The following SGK1 variants were observed in gnomAD, a reference collection of about 807,000 sequenced individuals.
SGK1 encodes serum/glucocorticoid regulated kinase 1.
Under a neutral mutation model 64.2 loss-of-function variants are expected in SGK1, and 26 were observed. The ratio of observed to expected loss-of-function variants is 0.40; its 90% CI spans 0.30 to 0.56. The LOEUF is 0.56. Among genes scored for constraint, SGK1 ranks in the 20% least tolerant of loss-of-function variants. The probability of loss-of-function intolerance (pLI) is 0.38; values close to 1 mark genes in which losing one functional copy is unlikely to be tolerated. For synonymous variants in SGK1, 265 were observed against 239.7 expected (o/e 1.11, Z -0.98); for missense variants, 519 against 645.6 (o/e 0.80, Z 2.12).
chr6:134,204,077 A>G (rs1192602085), intron 3 of SGK1, among the ~76,000 whole-genome samples: 1 of 151,914 alleles, frequency 6.6e-6, no homozygotes, highest in Admixed American at 6.6e-5. Context: ...CTCAGAAAAA[A>G]AAAAAAAAGT....
At chr6:134,184,191 G>A (rs184615089) in intron 3 of SGK1, among the ~76,000 whole-genome samples, 198 of 151,932 alleles carry the variant, frequency 1.3e-3, no homozygotes, top group Non-Finnish European at 1.9e-3. Flanking sequence ...CTTGTCATTC[G>A]GATCTCCCAG....
At position 134,298,386 on chromosome 6, in the gene SGK1, G is replaced by A. The variant is rs190672947; in HGVS notation, c.69+19006C>T. 3.6e-4 allele frequency: 469 copies of A among 1,319,856 alleles called. 2 individuals carry two copies. In the African/African-American group the frequency reaches 5.7e-3, roughly 16 times the overall value. The allele number at this position is 1,319,856 out of a possible 1,614,324, so 81.8% of individuals were successfully genotyped here. A position where few individuals can be genotyped will look rare whatever the true frequency, so the allele number is the denominator to read the frequency against. ...CCAGGAACCGTACCTTGCCTATGAA[G>A]GAGGCAAACTTGTTGCTGAGGGTCT... On this transcript the variant is annotated intron_variant, in intron 1 of 13. Transcript: ENST00000367858.
rs538127002 is a variant in SGK1, at chr6:134,171,143, G to A, written c.1203C>T (p.Tyr401=). ...GGAGAGGCTTGTTCAGAATGTTGTC[G>A]TACATTTCAGCTGTGTTTCGGCTAT... ...PFYSRNTAEM[Y]DNILNKPLQL... The change falls in exon 12 of 14, where the codon TAC becomes TAT. Residue 401 remains tyrosine, a synonymous_variant. Coordinates refer to ENST00000367858, the MANE Select transcript of SGK1 (RefSeq NM_001143676.3). 11 of 1,614,068 alleles carry A rather than the reference G, an allele frequency of 6.8e-6. No individual in the cohort carries two copies. In the East Asian group the frequency reaches 8.9e-5, roughly 13 times the overall value.
At chr6:134,284,524 C>T (rs191208289) in intron 1 of SGK1, among the ~76,000 whole-genome samples, 4 of 147,926 alleles carry the variant, frequency 2.7e-5, no homozygotes, top group African/African-American at 5.0e-5. Flanking sequence ...CTCACTCTAT[C>T]GCCCAGGCTG....
chr6:134,183,683 A>G (rs1473600624), intron 3 of SGK1, among the ~76,000 whole-genome samples: 1 of 152,090 alleles, frequency 6.6e-6, no homozygotes, highest in Non-Finnish European at 1.5e-5. Context: ...CAAGTGAGGA[A>G]TGTGCTGGAA....
At chr6:134,191,297 TAAGA>T (rs2114665316) in intron 3 of SGK1, among the ~76,000 whole-genome samples, 2 of 152,326 alleles carry the variant, frequency 1.3e-5, no homozygotes, top group South Asian at 4.1e-4. Flanking sequence ...AAAAAAATCT[TAAGA>T]AACAGGAACA....
rs1359464325 is a variant in SGK1 at position 134,171,750 on chromosome 6, GA to G, written c.1072-19del. The stretch of plus-strand genomic sequence containing the variant: ...GCGAGATACTGAAAAACAGACCAGG[GA>G]AACAGCGTTTAGAACCTGCGAAAGC... On this transcript the variant is annotated intron_variant, in intron 10 of 13. Coordinates refer to ENST00000367858, the MANE Select transcript of SGK1 (RefSeq NM_001143676.3). 17 of 1,564,406 alleles carry G rather than the reference GA, an allele frequency of 1.1e-5. No homozygotes were observed. The highest frequency in any genetic ancestry group is 1.4e-5 in the Non-Finnish European group (16 of 1,135,546).
intron 2 of SGK1, among the ~76,000 whole-genome samples, chr6:134,233,612 G>A (rs772676319): frequency 5.3e-5 from 8 of 152,096 alleles, no homozygotes; most frequent in Non-Finnish European, 1.0e-4. Flanking sequence ...TAACGAACTC[G>A]AAATTGCATA....
At chr6:134,297,785 G>T in intron 1 of SGK1, 1 of 562,960 alleles carries the variant, frequency 1.8e-6, no homozygotes, top group South Asian at 1.7e-5. Flanking sequence ...ACAGGCGTGA[G>T]CCACTGCGCC....
chr6:134,202,831 G>A (rs752411669), intron 3 of SGK1, among the ~76,000 whole-genome samples: 5 of 152,024 alleles, frequency 3.3e-5, no homozygotes, highest in Non-Finnish European at 7.4e-5. Flanking sequence ...TGTACTGTAG[G>A]GTTTAGTACA....
intron 1 of SGK1, chr6:134,298,796 T>TTTATTTATTTAA: frequency 6.9e-6 from 2 of 290,826 alleles, no homozygotes; most frequent in Non-Finnish European, 1.2e-5. Context: ...TATTTATTTA[T>TTTATTTATTTAA]TTATTTATTT....
chr6:134,179,417 T>A (rs1367029021), intron 3 of SGK1, among the ~76,000 whole-genome samples: 2 of 150,936 alleles, frequency 1.3e-5, no homozygotes, highest in Non-Finnish European at 2.9e-5. Flanking sequence ...TTATTATAAT[T>A]ATAGAAAACA....
chr6:134,197,785 C>T (rs1215274590), intron 3 of SGK1, among the ~76,000 whole-genome samples: 1 of 150,332 alleles, frequency 6.7e-6, no homozygotes, highest in Non-Finnish European at 1.5e-5. Context: ...GAGATCGCGC[C>T]ACTGAGAGCA....
intron 3 of SGK1, among the ~76,000 whole-genome samples, chr6:134,195,554 T>G (rs908649439): frequency 4.6e-5 from 7 of 152,212 alleles, no homozygotes; most frequent in Non-Finnish European, 8.8e-5. Context: ...TAAGTATCTT[T>G]ACACAGAGAG....
chr6:134,169,288 A>T lies in SGK1; in HGVS notation c.*980T>A, dbSNP rs2114622998. 1 of 152,788 alleles carries T rather than the reference A, an allele frequency of 6.5e-6. No individual in the cohort carries two copies. The highest frequency in any genetic ancestry group is 2.1e-4 in the South Asian group (1 of 4,828). 9.5% of individuals were successfully genotyped at this position (152,788 alleles called of 1,614,324 possible). On this transcript the variant is annotated 3_prime_UTR_variant, in exon 14 of 14. Coordinates refer to ENST00000367858, the MANE Select transcript of SGK1 (RefSeq NM_001143676.3). ...CAAGGTTTTATTGCAAACCAAAATCAGTTTATCACACACAAAAAAAGTTGT... is the reference window on the plus strand; with the variant it reads ...CAAGGTTTTATTGCAAACCAAAATCTGTTTATCACACACAAAAAAAGTTGT...
chr6:134,234,660 T>C (rs535732633), intron 2 of SGK1, among the ~76,000 whole-genome samples: 5 of 152,106 alleles, frequency 3.3e-5, no homozygotes, highest in Non-Finnish European at 7.4e-5. Flanking sequence ...GTGGATCACC[T>C]GAGGTCAAGA....
At chr6:134,282,694 G>C (rs890165133) in intron 1 of SGK1, among the ~76,000 whole-genome samples, 7 of 151,448 alleles carry the variant, frequency 4.6e-5, no homozygotes, top group Non-Finnish European at 7.4e-5. Flanking sequence ...TTGGTAATTT[G>C]GGTGGTCCTT....
At chr6:134,308,171 T>C (rs181620815) in intron 1 of SGK1, among the ~76,000 whole-genome samples, 23 of 152,234 alleles carry the variant, frequency 1.5e-4, no homozygotes, top group African/African-American at 4.8e-4. Context: ...CCTAAATAAA[T>C]ACTGGCCCAG....
chr6:134,264,978 T>C (rs1428544748), intron 1 of SGK1, among the ~76,000 whole-genome samples: 1 of 152,212 alleles, frequency 6.6e-6, no homozygotes, highest in Non-Finnish European at 1.5e-5. Flanking sequence ...ACACTGAGGA[T>C]AAACTAAAAT....
Sources: allele counts gnomAD v4.1 joint callset (sites outside exome capture counted in the v4.1 genomes callset), GRCh38; gene constraint gnomAD v4.1.1; transcripts MANE v1.5; gene names NCBI Gene and HGNC (gene_info 2026-07-23, HGNC 2026-07-21).